Variants in AVEN observed in about 807,000 individuals in gnomAD.
The protein encoded by AVEN is cell death regulator Aven.
Under a neutral mutation model 38.1 loss-of-function variants are expected in AVEN, and 41 were observed. The observed-to-expected ratio is 1.08, with a 90% CI of 0.84 to 1.40. The LOEUF is 1.40. Among genes scored for constraint, AVEN ranks in the 40% most tolerant of loss-of-function variants. AVEN has a pLI of 0.00. For missense variants in AVEN, 605 were observed against 438.8 expected (o/e 1.38, Z -3.38); for synonymous variants, 206 against 171.8 (o/e 1.20, Z -1.56).
intron 1 of AVEN, among the ~76,000 whole-genome samples, chr15:34,006,252 A>G (rs184026422): frequency 1.3e-5 from 2 of 151,914 alleles, no homozygotes; most frequent in Non-Finnish European, 2.9e-5. Flanking sequence ...CGGAGTTTGC[A>G]GTGAGTCAAG....
intron 2 of AVEN, among the ~76,000 whole-genome samples, chr15:33,876,435 G>GCCTGTAATAGTA (rs71117188): frequency 1.3e-5 from 2 of 151,712 alleles, no homozygotes; most frequent in Non-Finnish European, 2.9e-5. Context: ...AGCTGGGCGT[G>GCCTGTAATAGTA]GTGGCACGTG....
intron 2 of AVEN, among the ~76,000 whole-genome samples, chr15:33,894,347 G>A: frequency 6.6e-6 from 1 of 151,922 alleles, no homozygotes. Flanking sequence ...ACACGCACTG[G>A]ATACTGCAGC....
intron 2 of AVEN, among the ~76,000 whole-genome samples, chr15:33,925,585 T>C (rs1295554622): frequency 1.3e-5 from 2 of 152,200 alleles, no homozygotes; most frequent in African/African-American, 2.4e-5. Flanking sequence ...TGGCTGTTAA[T>C]TGCATAAGAC....
At chr15:34,016,274 C>A (rs764714189) in intron 1 of AVEN, among the ~76,000 whole-genome samples, 4 of 152,146 alleles carry the variant, frequency 2.6e-5, no homozygotes, top group Non-Finnish European at 5.9e-5. Context: ...AGCAACTTAT[C>A]TCTCCTAGGT....
chr15:33,863,997 A>ATGCCACACTTCCCTGATCATT, downstream of AVEN: 1 of 595,894 alleles, frequency 1.7e-6, no homozygotes. Context: ...TTGTGTCCTT[A>ATGCCACACTTCCCTGATCATT]TGCCACACTT....
In AVEN at chr15:33,866,565, C is replaced by CCGTTAGAAGG. The variant is rs1567381850; in HGVS notation, c.*38_*47dup. 2 of 1,438,408 alleles carry CCGTTAGAAGG rather than the reference C, an allele frequency of 1.4e-6. No homozygotes were observed. The highest frequency in any genetic ancestry group is 2.0e-6 in the Non-Finnish European group (2 of 1,023,452). 89.1% of individuals were successfully genotyped at this position (1,438,408 alleles called of 1,614,324 possible). On this transcript the variant is annotated 3_prime_UTR_variant, in exon 6 of 6. Coordinates refer to ENST00000306730, the MANE Select transcript of AVEN (RefSeq NM_020371.3). Reference sequence around the variant, plus strand: ...TGAAGGACAGCCTTATGCCCACCTGCCGTTAGAAGGCAACCAAGATTTGCT... The same window carrying CCGTTAGAAGG: ...TGAAGGACAGCCTTATGCCCACCTGCCGTTAGAAGGCGTTAGAAGGCAACCAAGATTTGCT...
chr15:33,954,499 G>A (rs992923904), intron 2 of AVEN, among the ~76,000 whole-genome samples: 1 of 152,110 alleles, frequency 6.6e-6, no homozygotes, highest in African/African-American at 2.4e-5. Context: ...CATGTCCTTT[G>A]CAGGGACATG....
downstream of AVEN, chr15:33,854,867 G>T (rs751921483): frequency 1.2e-6 from 2 of 1,613,232 alleles, no homozygotes; most frequent in Non-Finnish European, 1.7e-6. Context: ...TGGGCTTCAA[G>T]ACACTGAGGA....
chr15:33,936,196 C>T (rs914665101), intron 2 of AVEN, among the ~76,000 whole-genome samples: 5 of 150,666 alleles, frequency 3.3e-5, no homozygotes, highest in Non-Finnish European at 7.4e-5. Flanking sequence ...CATGCAAAAT[C>T]GATAAGAAAA....
chr15:34,011,727 C>T (rs1042830603), intron 1 of AVEN, among the ~76,000 whole-genome samples: 1 of 152,166 alleles, frequency 6.6e-6, no homozygotes, highest in African/African-American at 2.4e-5. Context: ...CTCTCTTTCC[C>T]TAAGTCCTTA....
At chr15:33,913,179 G>A (rs768752887) in intron 2 of AVEN, among the ~76,000 whole-genome samples, 39 of 152,142 alleles carry the variant, frequency 2.6e-4, no homozygotes, top group Admixed American at 7.2e-4. Context: ...ATGTGCCACT[G>A]TGCCCAGCTG....
chr15:34,039,050 G>A lies in AVEN; in HGVS notation c.-4C>T. 2 of 1,103,300 alleles carry A rather than the reference G, an allele frequency of 1.8e-6. No individual in the cohort carries two copies. Among genetic ancestry groups the A allele is most frequent in the Non-Finnish European group, 2.2e-6 (2 of 907,652 alleles). The allele number at this position is 1,103,300 out of a possible 1,614,324, so 68.3% of individuals were successfully genotyped here. The stretch of plus-strand genomic sequence containing the variant: ...GAGCTCCTCGCTCCGCCTGCATCTG[G>A]CCGCCGCTGGCGGTGCTGAGCGCGC... On this transcript the variant is annotated 5_prime_UTR_variant, in exon 1 of 6. Coordinates refer to ENST00000306730, the MANE Select transcript of AVEN (RefSeq NM_020371.3).
At chr15:34,070,166 A>G (rs976916241) in intron 2 of AVEN, among the ~76,000 whole-genome samples, 10 of 152,206 alleles carry the variant, frequency 6.6e-5, no homozygotes, top group Non-Finnish European at 1.0e-4. Context: ...TTATAAAACC[A>G]TCAGATCTCG....
the AVEN span, chr15:33,852,060 G>A: frequency 0.017 from 54 of 3,120 alleles, no homozygotes; most frequent in Admixed American, 0.026. Flanking sequence ...GGGGAGAGGC[G>A]GCATGAGAGG....
At chr15:33,886,520 G>A (rs1009135776) in intron 2 of AVEN, among the ~76,000 whole-genome samples, 1 of 152,112 alleles carries the variant, frequency 6.6e-6, no homozygotes, top group African/African-American at 2.4e-5. Context: ...AGCCAGGATG[G>A]TCTCGATCTC....
intron 1 of AVEN, among the ~76,000 whole-genome samples, chr15:34,037,298 G>T (rs1413331439): frequency 6.6e-6 from 1 of 151,966 alleles, no homozygotes; most frequent in Non-Finnish European, 1.5e-5. Context: ...GATCCCTGCA[G>T]CTAAGGAATA....
intron 2 of AVEN, among the ~76,000 whole-genome samples, chr15:33,986,649 A>G (rs1270009145): frequency 1.3e-5 from 2 of 150,092 alleles, no homozygotes; most frequent in African/African-American, 4.9e-5. Context: ...AAGGCTCTAT[A>G]TCAGGTTTTT....
chr15:33,993,771 A>G (rs1385789139), intron 2 of AVEN, among the ~76,000 whole-genome samples: 2 of 152,188 alleles, frequency 1.3e-5, no homozygotes, highest in Non-Finnish European at 2.9e-5. Flanking sequence ...GACCGCAATC[A>G]TGATATCTGG....
At chr15:34,036,015 C>T (rs753414313) in intron 1 of AVEN, among the ~76,000 whole-genome samples, 13 of 152,014 alleles carry the variant, frequency 8.6e-5, no homozygotes, top group Admixed American at 1.3e-4. Context: ...AGTCTGGTCT[C>T]GAACTCCCAG....
Sources: allele counts gnomAD v4.1 joint callset (sites outside exome capture counted in the v4.1 genomes callset), GRCh38; gene constraint gnomAD v4.1.1; transcripts MANE v1.5; gene names NCBI Gene and HGNC (gene_info 2026-07-23, HGNC 2026-07-21).